Variants in BTRC observed in about 807,000 individuals in gnomAD.
BTRC encodes the protein F-box/WD repeat-containing protein 1A.
Under a neutral mutation model 85.5 loss-of-function variants are expected in BTRC, and 42 were observed. That is an observed-to-expected ratio of 0.49 (90% CI 0.38 to 0.64). BTRC has a LOEUF of 0.64. BTRC is among the 30% of genes least tolerant of loss of function. BTRC has a pLI of 0.00. For missense variants in BTRC, 594 were observed against 743.5 expected (o/e 0.80, Z 2.34); for synonymous variants, 255 against 263.3 (o/e 0.97, Z 0.30).
In BTRC at chr10:101,459,136, T is replaced by G. The variant is rs1214298366; in HGVS notation, c.157-2845T>G. ...TTTAGCACCCAATGATGATTCTTCC[T>G]TATATTAATCACTTATCCTTAAATA... On this transcript the variant is annotated intron_variant, in intron 2 of 14. Transcript: ENST00000370187. 2.0e-5 allele frequency among the ~76,000 whole-genome samples: 3 copies of G among 152,322 alleles called. No homozygotes were observed. The East Asian group carries it at 5.8e-4, about 29-fold the overall frequency.
At chr10:101,439,258 C>T (rs1419525712) in intron 2 of BTRC, among the ~76,000 whole-genome samples, 1 of 152,176 alleles carries the variant, frequency 6.6e-6, no homozygotes. Flanking sequence ...AGCGCTTCAT[C>T]CTGGGCTGTA....
chr10:101,366,880 A>ATATATATTTATATATATTAATATATATT (rs1942422232), intron 1 of BTRC, among the ~76,000 whole-genome samples: 1 of 17,974 alleles, frequency 5.6e-5, no homozygotes. Context: ...ATATATATTT[A>ATATATATTTATATATATTAATATATATT]TATATATTTA....
intron 1 of BTRC, among the ~76,000 whole-genome samples, chr10:101,403,598 C>G (rs1943541106): frequency 6.6e-6 from 1 of 151,734 alleles, no homozygotes; most frequent in African/African-American, 2.4e-5. Context: ...CCTTTTTTTA[C>G]TTCCCCACTT....
chr10:101,545,063 A>AG (rs770975751), intron 13 of BTRC, among the ~76,000 whole-genome samples: 1 of 151,868 alleles, frequency 6.6e-6, no homozygotes, highest in East Asian at 1.9e-4. Context: ...AAAAAAAAAA[A>AG]GAAAAAAAGC....
At chr10:101,404,679 T>C (rs1039664649) in intron 1 of BTRC, among the ~76,000 whole-genome samples, 3 of 152,122 alleles carry the variant, frequency 2.0e-5, no homozygotes, top group African/African-American at 7.2e-5. Flanking sequence ...ATCTGGATGA[T>C]AGTCCATCTT....
intron 1 of BTRC, among the ~76,000 whole-genome samples, chr10:101,421,691 C>G (rs1043079903): frequency 1.5e-5 from 2 of 135,970 alleles, no homozygotes; most frequent in Non-Finnish European, 3.0e-5. Flanking sequence ...TTTCATTGTT[C>G]AATTCCCACC....
intron 4 of BTRC, among the ~76,000 whole-genome samples, chr10:101,514,547 G>A (rs2061997770): frequency 6.6e-6 from 1 of 151,786 alleles, no homozygotes; most frequent in Non-Finnish European, 1.5e-5. Context: ...CCACCTCCCA[G>A]GTTCAAGTGA....
chr10:101,494,993 T>A (rs1393370024), intron 4 of BTRC, among the ~76,000 whole-genome samples: 1 of 152,184 alleles, frequency 6.6e-6, no homozygotes, highest in East Asian at 1.9e-4. Flanking sequence ...TTGAAAAAGG[T>A]CTCTGTCATC....
intron 9 of BTRC, 47 bp downstream of exon 9, chr10:101,533,117 C>T (rs748680421): frequency 7.3e-7 from 1 of 1,378,120 alleles, no homozygotes; most frequent in Non-Finnish European, 1.0e-6. Flanking sequence ...ATCAGCTCTG[C>T]TCTGTTCTTT....
chr10:101,509,837 CA>C (rs1249770992), intron 4 of BTRC, among the ~76,000 whole-genome samples: 1 of 150,314 alleles, frequency 6.7e-6, no homozygotes, highest in African/African-American at 2.5e-5. Context: ...TCTGGGATTA[CA>C]GGCATGAGCC....
intron 4 of BTRC, among the ~76,000 whole-genome samples, chr10:101,490,278 T>C (rs554328083): frequency 3.3e-5 from 5 of 151,848 alleles, no homozygotes; most frequent in Non-Finnish European, 7.4e-5. Flanking sequence ...TCTTCTTCCT[T>C]CCTTCCTTTT....
chr10:101,522,409 C>CTTT (rs1176651688), intron 5 of BTRC, among the ~76,000 whole-genome samples: 2,069 of 29,336 alleles, frequency 0.071, 685 homozygotes, highest in Non-Finnish European at 0.091. Context: ...ATAAAGACTC[C>CTTT]TTTTTTTTTT....
intron 1 of BTRC, among the ~76,000 whole-genome samples, chr10:101,415,669 G>A (rs112063076): frequency 3.3e-5 from 5 of 151,102 alleles, no homozygotes; most frequent in South Asian, 2.1e-4. Flanking sequence ...AACCTTCTGA[G>A]TAGCTGGGAT....
At chr10:101,395,065 A>G (rs1943330184) in intron 1 of BTRC, among the ~76,000 whole-genome samples, 3 of 152,160 alleles carry the variant, frequency 2.0e-5, no homozygotes, top group Non-Finnish European at 4.4e-5. Flanking sequence ...AAATTGTATC[A>G]TCTTGTGTAT....
intron 1 of BTRC, among the ~76,000 whole-genome samples, chr10:101,388,158 A>G (rs183677742): frequency 2.6e-4 from 40 of 152,082 alleles, no homozygotes; most frequent in Non-Finnish European, 4.4e-5. Context: ...GCTAGGAAAG[A>G]TGGCTTTCTT....
At chr10:101,472,916 G>A (rs1487880961) in intron 3 of BTRC, among the ~76,000 whole-genome samples, 1 of 152,108 alleles carries the variant, frequency 6.6e-6, no homozygotes, top group African/African-American at 2.4e-5. Context: ...TTCTGACTGT[G>A]ATGGGCCTAT....
intron 13 of BTRC, among the ~76,000 whole-genome samples, chr10:101,549,713 C>CAAAAAAAAAAAAGAAAAAAAAA (rs2062618482): frequency 2.3e-5 from 1 of 42,770 alleles, no homozygotes; most frequent in African/African-American, 1.3e-4. Context: ...GACTCTGTCT[C>CAAAAAAAAAAAAGAAAAAAAAA]AAAAAAAAAA....
chr10:101,505,503 C>T (rs1300404577), intron 4 of BTRC, among the ~76,000 whole-genome samples: 10 of 151,414 alleles, frequency 6.6e-5, no homozygotes, highest in Admixed American at 4.6e-4. Context: ...GCCTGTAGTC[C>T]CAGCTGCTCA....
intron 1 of BTRC, among the ~76,000 whole-genome samples, chr10:101,370,555 T>A (rs1343128332): frequency 3.9e-5 from 6 of 152,084 alleles, no homozygotes; most frequent in Non-Finnish European, 8.8e-5. Context: ...AATTTTTAAA[T>A]TTATGGTTAG....
Sources: gnomAD v4.1 joint callset for allele counts (sites outside exome capture counted in the v4.1 genomes callset) on GRCh38, gnomAD v4.1.1 for gene constraint, MANE v1.5 for transcripts, NCBI Gene and HGNC (gene_info 2026-07-23, HGNC 2026-07-21) for gene names.